Variants in DGKI observed in about 807,000 individuals in gnomAD.
DGKI encodes the protein diacylglycerol kinase iota, also known as DAG kinase iota.
A neutral mutation model predicts 147.5 loss-of-function variants in DGKI; 55 were observed. The ratio of observed to expected loss-of-function variants is 0.37; its 90% CI spans 0.30 to 0.47. The LOEUF (loss-of-function observed/expected upper bound fraction) is 0.47. Among genes scored for constraint, DGKI ranks in the 20% least tolerant of loss-of-function variants. The probability of loss-of-function intolerance (pLI) is 1.00; values close to 1 mark genes in which losing one functional copy is unlikely to be tolerated. For synonymous variants in DGKI, 469 were observed against 477.1 expected, an observed-to-expected ratio of 0.98 and a Z score of 0.22; for missense variants, 1,007 against 1,323.8, an observed-to-expected ratio of 0.76 and a Z score of 3.71.
intron 28 of DGKI, among the ~76,000 whole-genome samples, chr7:137,438,573 C>T (rs1027574904): frequency 6.6e-6 from 1 of 151,958 alleles, no homozygotes; most frequent in African/African-American, 2.4e-5. Flanking sequence ...TTAAGCTATT[C>T]CCAGGTTTAA....
In DGKI at chr7:137,790,286, C is replaced by T. The variant is rs188169892; in HGVS notation, c.401+56176G>A. Reference sequence around the variant, plus strand: ...CACACACACACTGGAACCACTCTTTCGCCCAGGCCTATGACAGTATGCTGC... The same window carrying T: ...CACACACACACTGGAACCACTCTTTTGCCCAGGCCTATGACAGTATGCTGC... On this transcript the variant is annotated intron_variant, in intron 1 of 32. Transcript: ENST00000614521. Among the ~76,000 whole-genome samples the T allele has an allele frequency of 6.6e-5, 10 of 151,884 alleles. 1 individual carries two copies. Among genetic ancestry groups the T allele is most frequent in the African/African-American group, 2.4e-4 (10 of 41,450 alleles).
intron 1 of DGKI, among the ~76,000 whole-genome samples, chr7:137,718,708 A>G (rs974049698): frequency 2.0e-5 from 3 of 152,180 alleles, no homozygotes; most frequent in Admixed American, 6.5e-5. Flanking sequence ...GGTGAGCACA[A>G]CAGTTGCCAG....
intron 1 of DGKI, among the ~76,000 whole-genome samples, chr7:137,823,059 C>T (rs900397001): frequency 2.8e-4 from 41 of 147,536 alleles, no homozygotes; most frequent in Non-Finnish European, 5.7e-4. Flanking sequence ...TCTCCCCCAA[C>T]CCAAAAAAAA....
intron 27 of DGKI, among the ~76,000 whole-genome samples, chr7:137,459,668 G>T (rs1293373375): frequency 6.6e-6 from 1 of 151,598 alleles, no homozygotes; most frequent in African/African-American, 2.4e-5. Context: ...TAGAGACGGG[G>T]TTTCACCATG....
In DGKI at chr7:137,444,101, A is replaced by G; in HGVS notation, c.2737T>C (p.Ser913Pro). ...CCATGATCTTCTGAAGAGACTGGTGACCTAAAAGGAAATAATAAGCATGAT... is the reference window on the plus strand; with the variant it reads ...CCATGATCTTCTGAAGAGACTGGTGGCCTAAAAGGAAATAATAAGCATGAT... ...KDLSHSRVLQ[S>P]PVSSEDHAIL... Residue 913 changes from serine (S) to proline (P), a missense_variant and splice_region_variant, in exon 28 of 33, where the codon TCA becomes CCA. By Grantham distance (74) the Ser-to-Pro change is moderately conservative. Transcript: ENST00000614521. The G allele has an allele frequency of 1.3e-6, 2 of 1,502,900 alleles. No individual in the cohort carries two copies. Among genetic ancestry groups the G allele is most frequent in the African/African-American group, 1.4e-5 (1 of 71,932 alleles). 93.1% of individuals were successfully genotyped at this position (1,502,900 alleles called of 1,614,324 possible).
chr7:137,684,833 C>T (rs76163683), intron 2 of DGKI, among the ~76,000 whole-genome samples: 2,625 of 152,188 alleles, frequency 0.017, 73 homozygotes, highest in African/African-American at 0.061. Context: ...GACACTCAGA[C>T]CTGATGAAGA....
intron 27 of DGKI, among the ~76,000 whole-genome samples, chr7:137,452,562 A>G (rs1167649892): frequency 6.6e-6 from 1 of 152,118 alleles, no homozygotes; most frequent in East Asian, 1.9e-4. Flanking sequence ...AACTCACTAT[A>G]TGCGTATTTT....
chr7:137,598,416 G>A (rs1433256547), intron 11 of DGKI, among the ~76,000 whole-genome samples: 3 of 152,210 alleles, frequency 2.0e-5, no homozygotes, highest in African/African-American at 4.8e-5. Context: ...GGAGGCTTCC[G>A]CACTCTCAGA....
intron 1 of DGKI, among the ~76,000 whole-genome samples, chr7:137,777,459 T>A (rs1796395135): frequency 6.6e-6 from 1 of 152,258 alleles, no homozygotes; most frequent in Non-Finnish European, 1.5e-5. Flanking sequence ...TCTGGCTCCC[T>A]GTGTCTCACA....
intron 28 of DGKI, among the ~76,000 whole-genome samples, chr7:137,417,910 C>T (rs1812418634): frequency 6.6e-6 from 1 of 152,192 alleles, no homozygotes; most frequent in Non-Finnish European, 1.5e-5. Flanking sequence ...GCACCTTGAT[C>T]TTGGTCTTCC....
chr7:137,453,377 T>C (rs772899272), intron 27 of DGKI, among the ~76,000 whole-genome samples: 2 of 152,108 alleles, frequency 1.3e-5, no homozygotes, highest in Non-Finnish European at 2.9e-5. Flanking sequence ...CCATTATCAC[T>C]CTAGCCCCAA....
chr7:137,745,416 C>T (rs1402100731), intron 1 of DGKI, among the ~76,000 whole-genome samples: 1 of 152,182 alleles, frequency 6.6e-6, no homozygotes, highest in Non-Finnish European at 1.5e-5. Flanking sequence ...CAGTCAACTG[C>T]AGTCCAAAAA....
intron 17 of DGKI, among the ~76,000 whole-genome samples, chr7:137,576,742 C>T (rs770045559): frequency 5.9e-5 from 9 of 152,170 alleles, no homozygotes; most frequent in Non-Finnish European, 8.8e-5. Context: ...ATGAAATCAA[C>T]ACTTCGTTCT....
At chr7:137,799,089 T>G (rs1303069839) in intron 1 of DGKI, among the ~76,000 whole-genome samples, 1 of 152,166 alleles carries the variant, frequency 6.6e-6, no homozygotes, top group Non-Finnish European at 1.5e-5. Context: ...GTTTTCTCTC[T>G]TAGATAAGGC....
intron 20 of DGKI, among the ~76,000 whole-genome samples, chr7:137,526,652 C>G (rs1817156417): frequency 6.6e-6 from 1 of 152,060 alleles, no homozygotes. Flanking sequence ...GGTAGACTGA[C>G]TTTCCATTAA....
chr7:137,828,800 T>C (rs1364851997), intron 1 of DGKI, among the ~76,000 whole-genome samples: 1 of 152,174 alleles, frequency 6.6e-6, no homozygotes, highest in Admixed American at 6.5e-5. Flanking sequence ...AAAGTATAAG[T>C]CCATGCATTT....
chr7:137,612,494 C>T lies in DGKI; in HGVS notation c.994-2885G>A, dbSNP rs1820398388. 2.0e-5 allele frequency among the ~76,000 whole-genome samples: 3 copies of T among 152,004 alleles called. No homozygotes were observed. The South Asian group carries it at 6.2e-4, about 32-fold the overall frequency. ...GCTCCCTTCTATTTTTGTATAAATACATATCTCTATTTTGTATAAATATGT... is the reference window on the plus strand; with the variant it reads ...GCTCCCTTCTATTTTTGTATAAATATATATCTCTATTTTGTATAAATATGT... On this transcript the variant is annotated intron_variant, in intron 8 of 32. Transcript: ENST00000614521.
At chr7:137,745,326 TA>T (rs1795292523) in intron 1 of DGKI, among the ~76,000 whole-genome samples, 1 of 152,222 alleles carries the variant, frequency 6.6e-6, no homozygotes. Flanking sequence ...TCACCCAGTA[TA>T]AAACCTTCAG....
intron 29 of DGKI, among the ~76,000 whole-genome samples, chr7:137,408,655 AGAGT>A (rs1358507557): frequency 4.6e-5 from 7 of 152,216 alleles, no homozygotes; most frequent in African/African-American, 1.7e-4. Context: ...GATAATCCAC[AGAGT>A]GAGACCCAAA....
Sources: allele counts gnomAD v4.1 joint callset (sites outside exome capture counted in the v4.1 genomes callset), GRCh38; gene constraint gnomAD v4.1.1; transcripts MANE v1.5; gene names NCBI Gene and HGNC (gene_info 2026-07-23, HGNC 2026-07-21).